SDK1: variants seen among roughly 807,000 people sequenced by gnomAD.
SDK1 encodes the protein sidekick cell adhesion molecule 1.
Under a neutral mutation model 245.5 loss-of-function variants are expected in SDK1, and 157 were observed. The ratio of observed to expected loss-of-function variants is 0.64; its 90% confidence interval spans 0.56 to 0.73. SDK1 has a LOEUF of 0.73. Among genes scored for constraint, SDK1 ranks in the 30% least tolerant of loss-of-function variants. SDK1 has a pLI of 0.00. For synonymous variants in SDK1, 1,647 were observed against 1,278.5 expected (o/e 1.29, Z -6.15); for missense variants, 3,583 against 3,002.3 (o/e 1.19, Z -4.52).
intron 19 of SDK1, among the ~76,000 whole-genome samples, chr7:4,054,415 G>T (rs949080904): frequency 1.3e-5 from 2 of 152,084 alleles, no homozygotes; most frequent in African/African-American, 4.8e-5. Flanking sequence ...ATCCGATTTG[G>T]GTTTCTCCAG....
At chr7:4,160,069 A>G (rs1187231806) in intron 31 of SDK1, among the ~76,000 whole-genome samples, 2 of 152,240 alleles carry the variant, frequency 1.3e-5, no homozygotes, top group South Asian at 2.1e-4. Context: ...GGCAAAAGCT[A>G]CTTGTAACTG....
At chr7:4,247,862 G>C (rs976700416) in intron 44 of SDK1, among the ~76,000 whole-genome samples, 1 of 152,136 alleles carries the variant, frequency 6.6e-6, no homozygotes, top group Admixed American at 6.5e-5. Context: ...CGTGTCTCCA[G>C]AGCTCAGTGT....
intron 19 of SDK1, among the ~76,000 whole-genome samples, chr7:4,063,597 C>CAAAAAAAAA (rs35423286): frequency 4.0e-5 from 5 of 125,156 alleles, no homozygotes; most frequent in African/African-American, 8.7e-5. Context: ...ACAGAAATAG[C>CAAAAAAAAA]AAAAAAAAAA....
intron 5 of SDK1, among the ~76,000 whole-genome samples, chr7:3,921,946 A>G (rs912911233): frequency 2.6e-5 from 4 of 152,150 alleles, no homozygotes; most frequent in African/African-American, 9.7e-5. Context: ...AGCCTGGGCA[A>G]CAGAGTTAGG....
chr7:4,208,649 C>T (rs1784364020), intron 37 of SDK1, among the ~76,000 whole-genome samples: 1 of 152,212 alleles, frequency 6.6e-6, no homozygotes. Context: ...CCATCAGGGG[C>T]GCCTGATGGC....
intron 5 of SDK1, among the ~76,000 whole-genome samples, chr7:3,874,144 G>A (rs995824661): frequency 6.6e-6 from 1 of 152,154 alleles, no homozygotes; most frequent in African/African-American, 2.4e-5. Context: ...TGTTCGTTTG[G>A]TCAGAGATTT....
chr7:4,097,654 G>T (rs1782241177), intron 22 of SDK1, among the ~76,000 whole-genome samples: 1 of 152,124 alleles, frequency 6.6e-6, no homozygotes, highest in African/African-American at 2.4e-5. Context: ...TAAGCCAAAT[G>T]CTTTTATCTC....
chr7:3,431,358 G>GTTTTTTTTTTTTTTTTTTTTTTTTT (rs34510123), intron 1 of SDK1, among the ~76,000 whole-genome samples: 1 of 118,370 alleles, frequency 8.4e-6, no homozygotes, highest in Non-Finnish European at 1.7e-5. Context: ...AATGTGGGAG[G>GTTTTTTTTTTTTTTTTTTTTTTTTT]TTTTTTTTTT....
At chr7:3,761,985 C>T (rs1347861223) in intron 4 of SDK1, among the ~76,000 whole-genome samples, 1 of 152,148 alleles carries the variant, frequency 6.6e-6, no homozygotes, top group Non-Finnish European at 1.5e-5. Flanking sequence ...GAAATGCTTT[C>T]TTTGTAGTGA....
At chr7:3,488,940 T>G (rs1289379376) in intron 1 of SDK1, among the ~76,000 whole-genome samples, 1 of 151,094 alleles carries the variant, frequency 6.6e-6, no homozygotes, top group Non-Finnish European at 1.5e-5. Context: ...TGTGTGTCAT[T>G]CACAGAAGTT....
chr7:4,101,445 C>T (rs560793373), intron 22 of SDK1, among the ~76,000 whole-genome samples: 7 of 152,276 alleles, frequency 4.6e-5, no homozygotes, highest in East Asian at 3.9e-4. Flanking sequence ...CCGCACCCGG[C>T]GGAAAAATTT....
intron 4 of SDK1, among the ~76,000 whole-genome samples, chr7:3,658,481 C>T: frequency 6.7e-6 from 1 of 150,188 alleles, no homozygotes; most frequent in African/African-American, 2.4e-5. Context: ...CTCATGTAGT[C>T]TTTAAGGAAA....
At chr7:3,905,711 C>G (rs1778884085) in intron 5 of SDK1, among the ~76,000 whole-genome samples, 1 of 151,936 alleles carries the variant, frequency 6.6e-6, no homozygotes, top group Non-Finnish European at 1.5e-5. Context: ...TAACCCCGAA[C>G]TCCTGGGTTC....
Position 3,967,339 on chromosome 7 carries a change from A to G in SDK1, c.1451A>G (p.Gln484Arg). The change falls in exon 10 of 45, where the codon CAG (glutamine) becomes CGG (arginine). Residue 484 changes from glutamine to arginine, a missense_variant. Gln to Arg is a conservative substitution (Grantham distance 43, BLOSUM62 1). Transcript: ENST00000404826. ...TCAGATATCGCTCCAGTGTTCACCC[A>G]GCGGCCAGTGGACACCACAGTTACT... ...DVTNIAPVFT[Q>R]RPVDTTVTDG... is the part of the protein sequence containing the mutation. 1 of 1,614,060 alleles carries G rather than the reference A, an allele frequency of 6.2e-7. No individual in the cohort carries two copies. Among genetic ancestry groups the G allele is most frequent in the East Asian group, 2.2e-5 (1 of 44,880 alleles).
At chr7:4,194,569 G>A (rs1372584892) in intron 35 of SDK1, among the ~76,000 whole-genome samples, 1 of 152,036 alleles carries the variant, frequency 6.6e-6, no homozygotes, top group African/African-American at 2.4e-5. Context: ...AGCAAGCAAG[G>A]AGATCCAGTC....
intron 17 of SDK1, among the ~76,000 whole-genome samples, chr7:4,023,524 C>T (rs1047886077): frequency 3.9e-5 from 6 of 152,032 alleles, no homozygotes; most frequent in African/African-American, 9.7e-5. Context: ...GAAATTTACT[C>T]GAGAATTTTA....
chr7:3,330,114 T>C (rs577206425), intron 1 of SDK1, among the ~76,000 whole-genome samples: 17 of 152,296 alleles, frequency 1.1e-4, no homozygotes, highest in South Asian at 2.1e-4. Context: ...TTAACAGATA[T>C]TTGGGTTATT....
At chr7:3,501,008 ATACT>A (rs1433803949) in intron 1 of SDK1, among the ~76,000 whole-genome samples, 6 of 152,082 alleles carry the variant, frequency 3.9e-5, no homozygotes, top group Non-Finnish European at 7.4e-5. Flanking sequence ...TTTTCTCTGC[ATACT>A]TTCTTCTTTA....
At chr7:3,998,082 C>T (rs1459011157) in intron 14 of SDK1, among the ~76,000 whole-genome samples, 1 of 152,230 alleles carries the variant, frequency 6.6e-6, no homozygotes, top group Non-Finnish European at 1.5e-5. Context: ...CCGCCAAGAG[C>T]ACAAGGAGGC....
Sources: allele counts gnomAD v4.1 joint callset (sites outside exome capture counted in the v4.1 genomes callset), GRCh38; gene constraint gnomAD v4.1.1; transcripts MANE v1.5; gene names NCBI Gene and HGNC (gene_info 2026-07-23, HGNC 2026-07-21).